The following SH2D4A variants were observed in gnomAD, a reference collection of about 807,000 sequenced individuals.
SH2D4A encodes SH2 domain-containing protein 4A.
SH2D4A carries 70 observed loss-of-function variants against 64.7 expected under a neutral mutation model. That is an observed-to-expected ratio of 1.08 (90% CI 0.89 to 1.32). The LOEUF is 1.32. SH2D4A is among the 40% of genes most tolerant of loss of function. The probability of loss-of-function intolerance (pLI) is 0.00; values close to 1 mark genes in which losing one functional copy is unlikely to be tolerated. For synonymous variants in SH2D4A, 268 were observed against 200.7 expected, an observed-to-expected ratio of 1.34 and a Z score of -2.83; for missense variants, 706 against 540.1, an observed-to-expected ratio of 1.31 and a Z score of -3.04.
In SH2D4A at chr8:19,394,693, C is replaced by A. The variant is rs1216761453; in HGVS notation, c.*51C>A. 4.3e-6 allele frequency: 6 copies of A among 1,410,670 alleles called. No homozygotes were observed. The highest frequency in any genetic ancestry group is 1.3e-5 in the South Asian group (1 of 76,782). 87.4% of individuals were successfully genotyped at this position (1,410,670 alleles called of 1,614,324 possible). On this transcript the variant is annotated 3_prime_UTR_variant, in exon 10 of 10. Coordinates refer to ENST00000265807, the MANE Select transcript of SH2D4A (RefSeq NM_022071.4). ...GCCTCCAAGCGGGCTTTCCCCTGGA[C>A]AAATGCCACTGCAACATTTATGTGT...
intron 4 of SH2D4A, among the ~76,000 whole-genome samples, chr8:19,354,381 A>G (rs2052757133): frequency 6.6e-6 from 1 of 152,158 alleles, no homozygotes; most frequent in Non-Finnish European, 1.5e-5. Context: ...CTAAAATTTC[A>G]AAGAAAAGGA....
At chr8:19,372,447 T>A (rs1585195703) in intron 7 of SH2D4A, among the ~76,000 whole-genome samples, 2 of 152,174 alleles carry the variant, frequency 1.3e-5, no homozygotes, top group Non-Finnish European at 2.9e-5. Flanking sequence ...AGTGCATCCC[T>A]GCAGGGAATG....
At chr8:19,370,793 T>C (rs2053081909) in intron 7 of SH2D4A, among the ~76,000 whole-genome samples, 1 of 152,146 alleles carries the variant, frequency 6.6e-6, no homozygotes, top group Admixed American at 6.5e-5. Context: ...TTTCTAGTTA[T>C]TCTGTAGATC....
intron 2 of SH2D4A, among the ~76,000 whole-genome samples, chr8:19,323,795 T>C (rs1277804006): frequency 2.6e-5 from 4 of 152,218 alleles, no homozygotes; most frequent in Non-Finnish European, 5.9e-5. Flanking sequence ...TAACTGGGTA[T>C]CAGACCCTGA....
rs1011608083 is a variant in SH2D4A at position 19,334,917 on chromosome 8, A to G, written c.513+60A>G. On this transcript the variant is annotated intron_variant, in intron 4 of 9. Transcript: ENST00000265807. Reference sequence around the variant, plus strand: ...CATCATGGGGGAGAAAAAGCTATTGAGGCCACAGAGACTACTGTGGCTGAG... The same window carrying G: ...CATCATGGGGGAGAAAAAGCTATTGGGGCCACAGAGACTACTGTGGCTGAG... 5.9e-6 allele frequency: 9 copies of G among 1,521,838 alleles called. No individual in the cohort carries two copies. In the South Asian group the frequency reaches 6.7e-5, roughly 11 times the overall value. The allele number at this position is 1,521,838 out of a possible 1,614,324, so 94.3% of individuals were successfully genotyped here.
intron 7 of SH2D4A, among the ~76,000 whole-genome samples, chr8:19,369,297 C>A (rs1434444925): frequency 6.6e-6 from 1 of 151,900 alleles, no homozygotes; most frequent in East Asian, 1.9e-4. Context: ...CTCTAGATTT[C>A]TTTTTTTGTT....
chr8:19,352,959 C>T (rs983459810), intron 4 of SH2D4A, among the ~76,000 whole-genome samples: 2 of 152,030 alleles, frequency 1.3e-5, no homozygotes, highest in Non-Finnish European at 2.9e-5. Flanking sequence ...GCAGTGAGCC[C>T]TGATCATGCC....
chr8:19,361,109 T>TA, intron 5 of SH2D4A, 94 bp from the exon 6 acceptor site: 1 of 495,820 alleles, frequency 2.0e-6, no homozygotes, highest in Non-Finnish European at 3.2e-6. Context: ...CTGTGCCGGG[T>TA]ACCCCGTCCT....
chr8:19,318,354 A>G (rs1032818766), intron 1 of SH2D4A, among the ~76,000 whole-genome samples: 1 of 152,244 alleles, frequency 6.6e-6, no homozygotes, highest in Admixed American at 6.5e-5. Flanking sequence ...ATGATGGTTT[A>G]TGGGACTTAG....
intron 7 of SH2D4A, among the ~76,000 whole-genome samples, chr8:19,364,847 T>C (rs1486591916): frequency 6.6e-6 from 1 of 152,188 alleles, no homozygotes; most frequent in Non-Finnish European, 1.5e-5. Flanking sequence ...GAATTGTCTA[T>C]TTGGTGGTGG....
intron 2 of SH2D4A, among the ~76,000 whole-genome samples, chr8:19,320,024 G>A (rs574894058): frequency 6.6e-5 from 10 of 152,056 alleles, no homozygotes; most frequent in Non-Finnish European, 1.5e-4. Context: ...ATTAAGAAAG[G>A]TTTCTATCTC....
intron 1 of SH2D4A, among the ~76,000 whole-genome samples, chr8:19,316,286 C>T (rs966279808): frequency 3.9e-5 from 6 of 152,160 alleles, no homozygotes; most frequent in Admixed American, 1.3e-4. Context: ...TGTTAGAAAT[C>T]CACGTTTGCT....
chr8:19,371,058 A>G (rs537824753), intron 7 of SH2D4A, among the ~76,000 whole-genome samples: 8 of 152,184 alleles, frequency 5.3e-5, no homozygotes, highest in African/African-American at 1.9e-4. Flanking sequence ...ACATTTTTAT[A>G]TTACCTATCT....
intron 7 of SH2D4A, among the ~76,000 whole-genome samples, chr8:19,366,924 C>A (rs1395088951): frequency 6.6e-6 from 1 of 152,142 alleles, no homozygotes; most frequent in Admixed American, 6.5e-5. Context: ...AATGACAGGA[C>A]ATTATTCTTT....
intron 8 of SH2D4A, among the ~76,000 whole-genome samples, chr8:19,388,848 AAAAT>A (rs574741905): frequency 1.3e-5 from 2 of 152,334 alleles, no homozygotes; most frequent in Middle Eastern, 3.4e-3. Flanking sequence ...TGAGTGTGTA[AAAAT>A]AAATAAGATG....
At chr8:19,341,337 G>T (rs1375498701) in intron 4 of SH2D4A, among the ~76,000 whole-genome samples, 1 of 152,104 alleles carries the variant, frequency 6.6e-6, no homozygotes, top group African/African-American at 2.4e-5. Flanking sequence ...CTTCAAAATT[G>T]CATTGTATAT....
At chr8:19,369,799 G>A (rs1325816324) in intron 7 of SH2D4A, among the ~76,000 whole-genome samples, 2 of 151,834 alleles carry the variant, frequency 1.3e-5, no homozygotes, top group South Asian at 2.1e-4. Context: ...GCACAGTTCT[G>A]TAGTCTCTAT....
rs546392497 is a variant in SH2D4A at position 19,336,863 on chromosome 8, A to G, written c.513+2006A>G. Among the ~76,000 whole-genome samples the G allele has an allele frequency of 3.9e-5, 6 of 152,296 alleles. No homozygotes were observed. In the East Asian group the frequency reaches 5.8e-4, roughly 15 times the overall value. Reference sequence around the variant, plus strand: ...GCCTGGGGGACCAAGTGAGACCCTAAGTCTTAAAAAAAAGTATTAAGTATG... The same window carrying G: ...GCCTGGGGGACCAAGTGAGACCCTAGGTCTTAAAAAAAAGTATTAAGTATG... On this transcript the variant is annotated intron_variant, in intron 4 of 9. Transcript: ENST00000265807.
At position 19,313,755 on chromosome 8, in the gene SH2D4A, G is replaced by A. The variant is rs749521108; in HGVS notation, c.-273G>A. 27 of 1,508,210 alleles carry A rather than the reference G, an allele frequency of 1.8e-5. No individual in the cohort carries two copies. Among genetic ancestry groups the A allele is most frequent in the Non-Finnish European group, 2.3e-5 (26 of 1,133,948 alleles). The allele number at this position is 1,508,210 out of a possible 1,614,324, so 93.4% of individuals were successfully genotyped here. A position where few individuals can be genotyped will look rare whatever the true frequency, so the allele number is the denominator to read the frequency against. On this transcript the variant is annotated 5_prime_UTR_variant, in exon 1 of 10. Coordinates refer to ENST00000265807, the MANE Select transcript of SH2D4A (RefSeq NM_022071.4). ...CTGCCTTTCCCTCCCTCCCTTCCCC[G>A]ACGGCTTCTGGCGGCCAAGTGGATG...
Sources: allele counts gnomAD v4.1 joint callset (sites outside exome capture counted in the v4.1 genomes callset), GRCh38; gene constraint gnomAD v4.1.1; transcripts MANE v1.5; gene names NCBI Gene and HGNC (gene_info 2026-07-23, HGNC 2026-07-21).